The following TCF7L2 variants were observed in gnomAD, a reference collection of about 807,000 sequenced individuals.
The protein encoded by TCF7L2 is transcription factor 7-like 2.
In TCF7L2, 23 loss-of-function variants were observed where a neutral mutation model predicts 77.9. The ratio of observed to expected loss-of-function variants is 0.30; its 90% confidence interval spans 0.21 to 0.42. The LOEUF is 0.42. Ranked by LOEUF, TCF7L2 falls within the 10% of genes least tolerant of loss-of-function variation. The probability of loss-of-function intolerance (pLI) is 1.00; values close to 1 mark genes in which losing one functional copy is unlikely to be tolerated. For synonymous variants in TCF7L2, 413 were observed against 340.2 expected (o/e 1.21, Z -2.36); for missense variants, 654 against 793.1 (o/e 0.82, Z 2.11).
At chr10:112,952,993 T>C (rs1419349685) in intron 3 of TCF7L2, among the ~76,000 whole-genome samples, 1 of 152,074 alleles carries the variant, frequency 6.6e-6, no homozygotes, top group Non-Finnish European at 1.5e-5. Context: ...ACCCCTTATT[T>C]ACACACACGA....
rs2074063379 is a variant in TCF7L2 at position 113,166,853 on chromosome 10, A to T, written c.*881A>T. 1 of 228,966 alleles carries T rather than the reference A, an allele frequency of 4.4e-6. No homozygotes were observed. 14.2% of individuals were successfully genotyped at this position (228,966 alleles called of 1,614,324 possible). On this transcript the variant is annotated 3_prime_UTR_variant, in exon 14 of 14. Coordinates refer to ENST00000627217, the MANE Select transcript of TCF7L2 (RefSeq NM_001146274.2). ...TTTTTCTGTATGAAACCCAGATGTC[A>T]CCAAATGGACATTAATAGTTGCATT...
chr10:113,055,617 G>T (rs1291253893), intron 5 of TCF7L2, among the ~76,000 whole-genome samples: 1 of 152,154 alleles, frequency 6.6e-6, no homozygotes, highest in Non-Finnish European at 1.5e-5. Context: ...GCCCAGGCTG[G>T]ATTGCAGTGG....
Position 112,983,299 on chromosome 10 carries a change from G to A in TCF7L2, c.450+18675G>A, listed in dbSNP as rs550292508. 7.9e-5 allele frequency among the ~76,000 whole-genome samples: 12 copies of A among 151,704 alleles called. No individual in the cohort carries two copies. In the South Asian group the frequency reaches 2.1e-3, roughly 26 times the overall value. ...ATCCTGGCTAACACGGTGAAACCCC[G>A]TCTCTACTAAAAATACAAAAAATTA... On this transcript the variant is annotated intron_variant, in intron 4 of 13. Coordinates refer to ENST00000627217, the MANE Select transcript of TCF7L2 (RefSeq NM_001146274.2).
intron 4 of TCF7L2, among the ~76,000 whole-genome samples, chr10:113,019,228 T>A (rs1345641631): frequency 6.6e-6 from 1 of 152,202 alleles, no homozygotes; most frequent in Non-Finnish European, 1.5e-5. Flanking sequence ...AGCAGGAGTC[T>A]CTTAACCCCG....
At chr10:113,060,879 C>T (rs969214914) in intron 5 of TCF7L2, among the ~76,000 whole-genome samples, 1 of 152,200 alleles carries the variant, frequency 6.6e-6, no homozygotes, top group East Asian at 1.9e-4. Flanking sequence ...TGCTGTGTGA[C>T]GATGACCTAG....
intron 4 of TCF7L2, among the ~76,000 whole-genome samples, chr10:112,971,889 A>G (rs773042096): frequency 2.6e-5 from 4 of 151,920 alleles, no homozygotes; most frequent in Non-Finnish European, 5.9e-5. Context: ...CTGGGATTAC[A>G]GGTGTGAGCC....
chr10:113,054,027 A>G (rs1229790647), intron 5 of TCF7L2, among the ~76,000 whole-genome samples: 1 of 152,162 alleles, frequency 6.6e-6, no homozygotes, highest in Non-Finnish European at 1.5e-5. Context: ...CGGACACCAG[A>G]CTAGGCTGGT....
At chr10:112,962,449 C>T (rs1219919960) in intron 3 of TCF7L2, among the ~76,000 whole-genome samples, 1 of 152,098 alleles carries the variant, frequency 6.6e-6, no homozygotes, top group African/African-American at 2.4e-5. Context: ...AAACCTGTCC[C>T]AGGCACAGAA....
chr10:113,153,977 C>T (rs984868665), intron 11 of TCF7L2, among the ~76,000 whole-genome samples: 6 of 152,226 alleles, frequency 3.9e-5, no homozygotes, highest in African/African-American at 1.2e-4. Context: ...GCCCCCTTAG[C>T]TGGCAGCGCT....
chr10:113,105,483 G>A (rs1425428317), intron 5 of TCF7L2, among the ~76,000 whole-genome samples: 1 of 152,132 alleles, frequency 6.6e-6, no homozygotes, highest in African/African-American at 2.4e-5. Context: ...AGGGACATTT[G>A]GTGGGCAGGT....
chr10:113,112,815 G>T (rs1407347392), intron 5 of TCF7L2, among the ~76,000 whole-genome samples: 1 of 152,168 alleles, frequency 6.6e-6, no homozygotes, highest in African/African-American at 2.4e-5. Flanking sequence ...TGTGTTTTAA[G>T]CTTATGAGGC....
chr10:113,137,656 C>G (rs139587779), intron 5 of TCF7L2, among the ~76,000 whole-genome samples: 1 of 152,254 alleles, frequency 6.6e-6, no homozygotes, highest in East Asian at 1.9e-4. Flanking sequence ...CCACTAAGCT[C>G]TGTTCTGTGA....
At chr10:112,969,489 G>C (rs2037758541) in intron 4 of TCF7L2, among the ~76,000 whole-genome samples, 1 of 152,170 alleles carries the variant, frequency 6.6e-6, no homozygotes, top group Admixed American at 6.5e-5. Context: ...TTCCATTTCT[G>C]TTTATACACC....
At chr10:112,964,675 TTG>T (rs1206828233) in intron 4 of TCF7L2, 51 bp downstream of exon 4, 10 of 1,512,144 alleles carry the variant, frequency 6.6e-6, no homozygotes, top group East Asian at 2.3e-5. Flanking sequence ...TGTAGGTCTC[TTG>T]TGTGTTTTAT....
rs146366413 is a variant in TCF7L2, at chr10:112,954,250, C to T, written c.381+2643C>T. Among the ~76,000 whole-genome samples the T allele has an allele frequency of 3.4e-3, 523 of 152,288 alleles. 4 individuals carry two copies. Among genetic ancestry groups the T allele is most frequent in the East Asian group, 0.014 (71 of 5,172 alleles). ...TGTATGCTTTATTATTTTCCCTTTG[C>T]TCCTTGGTGGCGGTGATTTTTGCTA... On this transcript the variant is annotated intron_variant, in intron 3 of 13. Coordinates refer to ENST00000627217, the MANE Select transcript of TCF7L2 (RefSeq NM_001146274.2).
chr10:113,014,374 C>T (rs181630805), intron 4 of TCF7L2, among the ~76,000 whole-genome samples: 10 of 152,228 alleles, frequency 6.6e-5, no homozygotes, highest in African/African-American at 1.9e-4. Flanking sequence ...GGTAGTTTTG[C>T]GAGGGTTAAT....
intron 4 of TCF7L2, among the ~76,000 whole-genome samples, chr10:112,971,097 G>A (rs1238578770): frequency 6.6e-6 from 1 of 152,156 alleles, no homozygotes; most frequent in East Asian, 1.9e-4. Flanking sequence ...AAAAATATTT[G>A]CATCTAATGT....
intron 4 of TCF7L2, among the ~76,000 whole-genome samples, chr10:112,986,569 T>C (rs2041581968): frequency 6.6e-6 from 1 of 152,180 alleles, no homozygotes; most frequent in Non-Finnish European, 1.5e-5. Flanking sequence ...TCAAAAAAGA[T>C]CAATCAAAGC....
In TCF7L2 at chr10:113,004,031, C is replaced by A. The variant is rs144582580; in HGVS notation, c.451-35994C>A. On this transcript the variant is annotated intron_variant, in intron 4 of 13. Transcript: ENST00000627217. ...AAGTTTCCCATTGGGGTGTCACAGA[C>A]TGAAGAAACAGAGCCCTAGGTAGCA... Among the ~76,000 whole-genome samples the A allele has an allele frequency of 1.1e-3, 172 of 152,322 alleles. 1 individual carries two copies. The highest frequency in any genetic ancestry group is 3.8e-3 in the African/African-American group (157 of 41,572).
Sources: gnomAD v4.1 joint callset for allele counts (sites outside exome capture counted in the v4.1 genomes callset) on GRCh38, gnomAD v4.1.1 for gene constraint, MANE v1.5 for transcripts, NCBI Gene and HGNC (gene_info 2026-07-23, HGNC 2026-07-21) for gene names.